The following MTERF1 variants were observed in gnomAD, a reference collection of about 807,000 sequenced individuals.
MTERF1 encodes transcription termination factor 1, mitochondrial.
In MTERF1, 29 loss-of-function variants were observed where a neutral mutation model predicts 31.6. That is an observed-to-expected ratio of 0.92 (90% CI 0.68 to 1.25). MTERF1 has a LOEUF of 1.25. MTERF1 is among the 50% of genes most tolerant of loss of function. MTERF1 has a pLI of 0.00. For missense variants in MTERF1, 500 were observed against 469.1 expected (o/e 1.07, Z -0.61); for synonymous variants, 152 against 164.1 (o/e 0.93, Z 0.57).
intron 2 of MTERF1, among the ~76,000 whole-genome samples, chr7:91,876,049 A>C (rs912559541): frequency 6.6e-6 from 1 of 152,196 alleles, no homozygotes; most frequent in Admixed American, 6.5e-5. Flanking sequence ...GGCTGTTTGC[A>C]TCTGTTACAC....
chr7:91,871,552 C>T lies in MTERF1; in HGVS notation c.*2042G>A, dbSNP rs1789186073. ...AAAAATGAAATACTAATATGTGCTA[C>T]ATGGATGAACCTTGAAAATATGCTA... On this transcript the variant is annotated 3_prime_UTR_variant, in exon 3 of 3. Transcript: ENST00000351870. The T allele has an allele frequency of 6.6e-6, 1 of 152,190 alleles. No homozygotes were observed. The highest frequency in any genetic ancestry group is 1.5e-5 in the Non-Finnish European group (1 of 68,058). The allele number at this position is 152,190 out of a possible 1,614,324, so 9.4% of individuals were successfully genotyped here. A position where few individuals can be genotyped will look rare whatever the true frequency, so the allele number is the denominator to read the frequency against.
chr7:91,880,494 T>TAA, intron 1 of MTERF1, 163 bp downstream of exon 1: 1 of 200,202 alleles, frequency 5.0e-6, no homozygotes, highest in South Asian at 8.0e-5. Flanking sequence ...AGGTGGGTCT[T>TAA]TCTTAACTCA....
intron 2 of MTERF1, among the ~76,000 whole-genome samples, chr7:91,877,588 G>A (rs891841546): frequency 2.0e-5 from 3 of 152,076 alleles, no homozygotes; most frequent in Admixed American, 1.3e-4. Flanking sequence ...ATCAAATCAC[G>A]TAGACTCAAC....
intron 2 of MTERF1, among the ~76,000 whole-genome samples, chr7:91,877,558 C>A (rs1399713258): frequency 6.6e-6 from 1 of 152,190 alleles, no homozygotes; most frequent in Non-Finnish European, 1.5e-5. Flanking sequence ...TTGCTTTCTT[C>A]CTCTTCCTCA....
Position 91,874,511 on chromosome 7 carries a change from C to T in MTERF1, c.283G>A (p.Gly95Arg). The change falls in exon 3 of 3, where the codon GGA becomes AGA. Residue 95 changes from glycine to arginine, a missense_variant. Transcript: ENST00000351870. ...DIDMARKRQP[G>R]VFHRMITNEQ... is the part of the protein sequence containing the mutation. ...TTGGTAATCATCCTATGAAAAACTC[C>T]AGGCTGTCGTTTCCTTGCCATGTCA... 1 of 1,614,088 alleles carries T rather than the reference C, an allele frequency of 6.2e-7. No homozygotes were observed. The highest frequency in any genetic ancestry group is 8.5e-7 in the Non-Finnish European group (1 of 1,180,026).
intron 2 of MTERF1, among the ~76,000 whole-genome samples, chr7:91,875,305 C>A (rs2130310418): frequency 6.6e-6 from 1 of 152,192 alleles, no homozygotes; most frequent in South Asian, 2.1e-4. Flanking sequence ...GCTTGGAGTG[C>A]AGCAGCACTA....
chr7:91,873,010 T>C lies in MTERF1; in HGVS notation c.*584A>G, dbSNP rs1183882164. ...CAGAAGGGTAGGTAGATTTTTTAAA[T>C]ATAATTACTCTTATAAAAGGAAGAA... On this transcript the variant is annotated 3_prime_UTR_variant, in exon 3 of 3. Coordinates refer to ENST00000351870, the MANE Select transcript of MTERF1 (RefSeq NM_006980.5). 1 of 152,222 alleles carries C rather than the reference T, an allele frequency of 6.6e-6. No homozygotes were observed. Among genetic ancestry groups the C allele is most frequent in the African/African-American group, 2.4e-5 (1 of 41,454 alleles). 9.4% of individuals were successfully genotyped at this position (152,222 alleles called of 1,614,324 possible).
intron 2 of MTERF1, among the ~76,000 whole-genome samples, chr7:91,879,715 T>C (rs1236487614): frequency 1.3e-5 from 2 of 152,190 alleles, no homozygotes; most frequent in Non-Finnish European, 1.5e-5. Context: ...AACATCTAAA[T>C]AGCCTAATAC....
In MTERF1 at chr7:91,874,245, G is replaced by C. The variant is rs1584461493; in HGVS notation, c.549C>G (p.Leu183=). The C allele has an allele frequency of 1.2e-6, 2 of 1,614,090 alleles. No homozygotes were observed. Among genetic ancestry groups the C allele is most frequent in the Non-Finnish European group, 8.5e-7 (1 of 1,180,024 alleles). The change falls in exon 3 of 3, where the codon CTC becomes CTG. Residue 183 remains leucine (L), a synonymous_variant. Coordinates refer to ENST00000351870, the MANE Select transcript of MTERF1 (RefSeq NM_006980.5). The part of the protein sequence containing the change: ...NLNLENNIKF[L]YSVGLTRKCL... ...ATTTACGGGTCAATCCAACTGAGTAGAGGAACTTTATATTATTCTCTAAGT... is the reference window on the plus strand; with the variant it reads ...ATTTACGGGTCAATCCAACTGAGTACAGGAACTTTATATTATTCTCTAAGT...
rs1409590704 is a variant in MTERF1, at chr7:91,874,162, T to A, written c.632A>T (p.Asn211Ile). 6.2e-7 allele frequency: 1 copy of A among 1,614,074 alleles called. No individual in the cohort carries two copies. The highest frequency in any genetic ancestry group is 1.3e-5 in the African/African-American group (1 of 74,942). ...CTGCAAAAATTCAACCATCTGTTTA[T>A]TCAGATCAAGACTATTGGAGAAGGT... ...PRTFSNSLDL[N>I]KQMVEFLQAA... The change falls in exon 3 of 3, where the codon AAT becomes ATT. Residue 211 changes from asparagine (N) to isoleucine (I), a missense_variant. By Grantham distance (149) the Asn-to-Ile change is moderately radical. Coordinates refer to ENST00000351870, the MANE Select transcript of MTERF1 (RefSeq NM_006980.5).
intron 2 of MTERF1, among the ~76,000 whole-genome samples, chr7:91,876,303 T>A (rs1789345227): frequency 6.6e-6 from 1 of 152,250 alleles, no homozygotes; most frequent in South Asian, 2.1e-4. Flanking sequence ...CATATAACAG[T>A]ACATATATAT....
chr7:91,879,412 CAG>C (rs2130328654), intron 2 of MTERF1, among the ~76,000 whole-genome samples: 1 of 151,810 alleles, frequency 6.6e-6, no homozygotes, highest in African/African-American at 2.4e-5. Context: ...TTAATATATA[CAG>C]AGGGGGAAAG....
chr7:91,875,443 C>T (rs1250110830), intron 2 of MTERF1, among the ~76,000 whole-genome samples: 1 of 152,052 alleles, frequency 6.6e-6, no homozygotes, highest in Non-Finnish European at 1.5e-5. Context: ...TTTGTAGAGA[C>T]AGTGTTTCAC....
chr7:91,880,109 T>C lies in MTERF1; in HGVS notation c.-26A>G, dbSNP rs1789466271. 3 of 1,613,260 alleles carry C rather than the reference T, an allele frequency of 1.9e-6. No homozygotes were observed. Among genetic ancestry groups the C allele is most frequent in the Admixed American group, 1.7e-5 (1 of 59,800 alleles). The stretch of plus-strand genomic sequence containing the variant: ...CCCTCCAGAAAGGCTGGAGAACAGC[T>C]ATCTCTGGAAATGACACACACACAC... On this transcript the variant is annotated 5_prime_UTR_variant, in exon 2 of 3. It adds an upstream start codon to the 5' untranslated region. Transcript: ENST00000351870.
Position 91,874,111 on chromosome 7 carries a change from T to C in MTERF1, c.683A>G (p.Asn228Ser), listed in dbSNP as rs777026878. The C allele has an allele frequency of 1.9e-6, 3 of 1,614,044 alleles. No homozygotes were observed. Among genetic ancestry groups the C allele is most frequent in the Non-Finnish European group, 2.5e-6 (3 of 1,180,030 alleles). Residue 228 changes from asparagine (N) to serine (S), a missense_variant, in exon 3 of 3, where the codon AAT becomes AGT. Asn to Ser is a conservative substitution (Grantham distance 46, BLOSUM62 1). Transcript: ENST00000351870. The stretch of plus-strand genomic sequence containing the variant: ...CTTTCTGACAAAATCTGCGGGATCA[T>C]TGTGACCCAATGACAAACCGGCTGC... Reference protein sequence around the residue: ...LQAAGLSLGHNDPADFVRKII... With the variant: ...LQAAGLSLGHSDPADFVRKII...
chr7:91,880,149 A>G, intron 1 of MTERF1, 36 bp from the exon 2 acceptor site: 1 of 1,557,078 alleles, frequency 6.4e-7, no homozygotes, highest in South Asian at 1.1e-5. Flanking sequence ...AAAAGGCAAA[A>G]TATTTCAGGC....
At chr7:91,875,525 G>A (rs1789326154) in intron 2 of MTERF1, among the ~76,000 whole-genome samples, 1 of 152,132 alleles carries the variant, frequency 6.6e-6, no homozygotes, top group South Asian at 2.1e-4. Flanking sequence ...AAAGTGCTGG[G>A]ATTACAGGTG....
chr7:91,876,327 C>T (rs1014645571), intron 2 of MTERF1, among the ~76,000 whole-genome samples: 14 of 152,198 alleles, frequency 9.2e-5, no homozygotes, highest in Admixed American at 7.2e-4. Flanking sequence ...TTAAACTGTA[C>T]TTTTGCCTTT....
At position 91,872,187 on chromosome 7, in the gene MTERF1, T is replaced by C. The variant is rs936612365; in HGVS notation, c.*1407A>G. On this transcript the variant is annotated 3_prime_UTR_variant, in exon 3 of 3. Transcript: ENST00000351870. ...GTATTATAAGCAATGGAAGATAAAG[T>C]TGCACAACTCTATATATAAATTGAA... 3 of 152,218 alleles carry C rather than the reference T, an allele frequency of 2.0e-5. No individual in the cohort carries two copies. Among genetic ancestry groups the C allele is most frequent in the African/African-American group, 7.2e-5 (3 of 41,446 alleles). 9.4% of individuals were successfully genotyped at this position (152,218 alleles called of 1,614,324 possible). A position where few individuals can be genotyped will look rare whatever the true frequency, so the allele number is the denominator to read the frequency against.
Sources: gnomAD v4.1 joint callset for allele counts (sites outside exome capture counted in the v4.1 genomes callset) on GRCh38, gnomAD v4.1.1 for gene constraint, MANE v1.5 for transcripts, NCBI Gene and HGNC (gene_info 2026-07-23, HGNC 2026-07-21) for gene names.